SMCO2: variants seen among roughly 807,000 people sequenced by gnomAD.
SMCO2 encodes the protein single-pass membrane protein with coiled-coil domains 2, also known as single-pass membrane and coiled-coil domain-containing protein 2.
Under a neutral mutation model 29.5 loss-of-function variants are expected in SMCO2, and 25 were observed. The observed-to-expected ratio is 0.85, with a 90% confidence interval of 0.62 to 1.18. The LOEUF (loss-of-function observed/expected upper bound fraction) is 1.18, where lower values mean the gene tolerates loss of function less well. SMCO2 is among the 50% of genes most tolerant of loss of function. SMCO2 has a pLI of 0.00. For synonymous variants in SMCO2, 117 were observed against 123.3 expected (o/e 0.95, Z 0.34); for missense variants, 348 against 344.5 (o/e 1.01, Z -0.08).
the SMCO2 span, among the ~76,000 whole-genome samples, chr12:27,451,617 A>G: frequency 7.9e-5 from 12 of 152,364 alleles, no homozygotes; most frequent in African/African-American, 2.6e-4. Flanking sequence ...AACGCTGGAC[A>G]GTGCCTCAGC....
chr12:27,451,028 G>A, the SMCO2 span, among the ~76,000 whole-genome samples: 27 of 152,156 alleles, frequency 1.8e-4, no homozygotes, highest in Non-Finnish European at 2.9e-4. Flanking sequence ...TTGCCAAGCC[G>A]AGGCTCTCAT....
chr12:27,469,544 C>G (rs1949524448), intron 1 of SMCO2, among the ~76,000 whole-genome samples: 1 of 152,156 alleles, frequency 6.6e-6, no homozygotes, highest in South Asian at 2.1e-4. Context: ...AAAATGCCTT[C>G]TCTTCCCATG....
the SMCO2 span, among the ~76,000 whole-genome samples, chr12:27,454,775 C>T: frequency 1.3e-5 from 2 of 152,122 alleles, no homozygotes; most frequent in African/African-American, 2.4e-5. Context: ...CCTTCCTGTG[C>T]CCATGTGTTC....
At chr12:27,449,743 T>C in the SMCO2 span, among the ~76,000 whole-genome samples, 3 of 152,206 alleles carry the variant, frequency 2.0e-5, no homozygotes, top group African/African-American at 7.2e-5. Flanking sequence ...TCTTGGTACA[T>C]TGGACTTCTA....
At chr12:27,494,558 C>A (rs1316584451) in intron 6 of SMCO2, among the ~76,000 whole-genome samples, 4 of 149,616 alleles carry the variant, frequency 2.7e-5, no homozygotes, top group Non-Finnish European at 5.9e-5. Flanking sequence ...GCAGAACATG[C>A]AGGTTTGTTA....
At chr12:27,474,147 G>A (rs1228081642) in intron 3 of SMCO2, among the ~76,000 whole-genome samples, 1 of 152,108 alleles carries the variant, frequency 6.6e-6, no homozygotes, top group African/African-American at 2.4e-5. Flanking sequence ...TATATAAATA[G>A]ATGAAACTTT....
At chr12:27,463,410 G>A (rs1235040064), upstream of SMCO2, among the ~76,000 whole-genome samples, 2 of 152,076 alleles carry the variant, frequency 1.3e-5, no homozygotes. Flanking sequence ...GATTACAGGT[G>A]CCCACCACCA....
At chr12:27,426,967 A>G in the SMCO2 span, among the ~76,000 whole-genome samples, 1 of 152,242 alleles carries the variant, frequency 6.6e-6, no homozygotes, top group African/African-American at 2.4e-5. Context: ...GTTTCAAATA[A>G]GTAAGCACTT....
At chr12:27,453,702 C>A in the SMCO2 span, among the ~76,000 whole-genome samples, 1 of 152,224 alleles carries the variant, frequency 6.6e-6, no homozygotes, top group South Asian at 2.1e-4. Flanking sequence ...TTGGCTTACC[C>A]TTTAGTCCCT....
intron 1 of SMCO2, among the ~76,000 whole-genome samples, chr12:27,468,427 TA>T (rs1361553629): frequency 1.3e-5 from 2 of 152,234 alleles, no homozygotes; most frequent in Non-Finnish European, 2.9e-5. Flanking sequence ...TGTGTTGCAA[TA>T]AAATGTCATT....
At chr12:27,489,862 C>G (rs1030771391) in intron 5 of SMCO2, among the ~76,000 whole-genome samples, 1 of 152,052 alleles carries the variant, frequency 6.6e-6, no homozygotes, top group African/African-American at 2.4e-5. Flanking sequence ...GTTAGTATTA[C>G]AAAAATGTAG....
chr12:27,425,851 C>G, the SMCO2 span, among the ~76,000 whole-genome samples: 4 of 152,218 alleles, frequency 2.6e-5, no homozygotes, highest in Non-Finnish European at 4.4e-5. Context: ...ACCCTGTCCT[C>G]CCTCAGGCCC....
At chr12:27,502,080 C>G in exon 8 of SMCO2, 2 of 1,543,522 alleles carry the variant, frequency 1.3e-6, no homozygotes, top group Non-Finnish European at 1.7e-6. Flanking sequence ...GATGAGAGAG[C>G]CTTTCTTGAA....
At chr12:27,454,266 G>T in the SMCO2 span, among the ~76,000 whole-genome samples, 3 of 152,302 alleles carry the variant, frequency 2.0e-5, no homozygotes, top group East Asian at 5.8e-4. Flanking sequence ...TTACAGGTGT[G>T]AGCCACCATG....
At chr12:27,479,506 T>C (rs1949621902) in intron 4 of SMCO2, among the ~76,000 whole-genome samples, 1 of 152,196 alleles carries the variant, frequency 6.6e-6, no homozygotes, top group Admixed American at 6.5e-5. Context: ...TATATCCATA[T>C]CGATAGCTGC....
the SMCO2 span, chr12:27,423,575 C>G: frequency 6.6e-6 from 1 of 152,220 alleles, no homozygotes; most frequent in Non-Finnish European, 1.5e-5. Flanking sequence ...GTGATCCGCC[C>G]ACTTCGGCCT....
At chr12:27,468,122 C>A (rs563465635) in intron 1 of SMCO2, among the ~76,000 whole-genome samples, 1 of 152,112 alleles carries the variant, frequency 6.6e-6, no homozygotes, top group African/African-American at 2.4e-5. Flanking sequence ...AAAGTGAGGC[C>A]CCCAGACAAT....
chr12:27,476,866 G>C (rs1391816142), intron 4 of SMCO2, among the ~76,000 whole-genome samples: 1 of 151,892 alleles, frequency 6.6e-6, no homozygotes, highest in African/African-American at 2.4e-5. Flanking sequence ...TTATTGATAA[G>C]TAAGGACTTA....
chr12:27,498,064 G>T, intron 7 of SMCO2: 1 of 285,602 alleles, frequency 3.5e-6, no homozygotes, highest in Non-Finnish European at 7.0e-6. Flanking sequence ...AAAGAAGCAA[G>T]GTCTTAACTG....
Sources: allele counts gnomAD v4.1 joint callset (sites outside exome capture counted in the v4.1 genomes callset), GRCh38; gene constraint gnomAD v4.1.1; transcripts MANE v1.5; gene names NCBI Gene and HGNC (gene_info 2026-07-23, HGNC 2026-07-21).